Variants in FAM222B observed in about 807,000 individuals in gnomAD.
FAM222B encodes family with sequence similarity 222 member B, also known as protein FAM222B.
In FAM222B, 12 loss-of-function variants were observed where a neutral mutation model predicts 38.0. The observed-to-expected ratio is 0.32, with a 90% CI of 0.20 to 0.51. The LOEUF (loss-of-function observed/expected upper bound fraction) is 0.51, where lower values mean the gene tolerates loss of function less well. FAM222B is among the 20% of genes least tolerant of loss of function. The pLI is 0.97. For synonymous variants in FAM222B, 329 were observed against 317.2 expected (o/e 1.04, Z -0.40); for missense variants, 716 against 754.2 (o/e 0.95, Z 0.59).
intron 2 of FAM222B, 30 bp downstream of exon 2, chr17:28,766,556 C>G: frequency 6.4e-7 from 1 of 1,555,934 alleles, no homozygotes; most frequent in South Asian, 1.2e-5. Flanking sequence ...CAAAGAATCA[C>G]ACATGCTCCA....
At chr17:28,839,289 A>C (rs188818401) in intron 1 of FAM222B, among the ~76,000 whole-genome samples, 23 of 152,294 alleles carry the variant, frequency 1.5e-4, no homozygotes, top group Admixed American at 1.4e-3. Flanking sequence ...GGAAGTCCTT[A>C]AATCTCCAAA....
chr17:28,840,766 G>A (rs1444737819), intron 1 of FAM222B, among the ~76,000 whole-genome samples: 1 of 151,948 alleles, frequency 6.6e-6, no homozygotes, highest in Non-Finnish European at 1.5e-5. Context: ...AGACCAGCCT[G>A]TCCAGCAATG....
intron 1 of FAM222B, among the ~76,000 whole-genome samples, chr17:28,799,805 C>G (rs1048868152): frequency 1.3e-5 from 2 of 152,124 alleles, no homozygotes; most frequent in African/African-American, 2.4e-5. Flanking sequence ...AACAAGATCT[C>G]GGCTGTTGCC....
At chr17:28,823,546 C>G (rs1174078868) in intron 1 of FAM222B, among the ~76,000 whole-genome samples, 1 of 152,088 alleles carries the variant, frequency 6.6e-6, no homozygotes, top group Non-Finnish European at 1.5e-5. Context: ...CCACAAACAG[C>G]TAATTTTCTA....
At chr17:28,822,691 C>T (rs1225977036) in intron 1 of FAM222B, among the ~76,000 whole-genome samples, 3 of 148,038 alleles carry the variant, frequency 2.0e-5, no homozygotes, top group Non-Finnish European at 4.5e-5. Context: ...ATCCCAGCCA[C>T]CTGGGAGACT....
At position 28,781,329 on chromosome 17, in the gene FAM222B, T is replaced by C. The variant is rs540057562; in HGVS notation, c.-40-14622A>G. ...ACAAAAAACCAAAAACAAACAAAAA[T>C]ACCCCACATCAACTCACACCTGTCA... On this transcript the variant is annotated intron_variant, in intron 1 of 2. Transcript: ENST00000581407. 1.6e-3 allele frequency among the ~76,000 whole-genome samples: 239 copies of C among 151,722 alleles called. 1 individual carries two copies. Among genetic ancestry groups the C allele is most frequent in the African/African-American group, 5.6e-3 (232 of 41,380 alleles).
chr17:28,843,534 G>T (rs1181950138), upstream of FAM222B, among the ~76,000 whole-genome samples: 1 of 134,948 alleles, frequency 7.4e-6, no homozygotes, highest in Non-Finnish European at 1.5e-5. Context: ...TGCAACCTCC[G>T]CCTCCCGGGT....
intron 2 of FAM222B, among the ~76,000 whole-genome samples, chr17:28,765,822 A>C (rs1026775494): frequency 6.6e-6 from 1 of 152,226 alleles, no homozygotes; most frequent in African/African-American, 2.4e-5. Flanking sequence ...CTAGCTCTCC[A>C]TCTCTTCTGA....
chr17:28,779,700 G>A (rs1302005396), intron 1 of FAM222B, among the ~76,000 whole-genome samples: 1 of 151,730 alleles, frequency 6.6e-6, no homozygotes, highest in Non-Finnish European at 1.5e-5. Context: ...GCAGTGAGTC[G>A]AGATTGCGCC....
chr17:28,820,743 C>A lies in FAM222B; in HGVS notation c.-41+21939G>T, dbSNP rs150215468. Among the ~76,000 whole-genome samples, 7 of 151,964 alleles carry A rather than the reference C, an allele frequency of 4.6e-5. No homozygotes were observed. In the East Asian group the frequency reaches 1.2e-3, roughly 25 times the overall value. Reference sequence around the variant, plus strand: ...CTGCCTCCTGGGTTCAAGCAATTCTCGTGCCTTGGCCTCCCGAGTAGCGGG... The same window carrying A: ...CTGCCTCCTGGGTTCAAGCAATTCTAGTGCCTTGGCCTCCCGAGTAGCGGG... On this transcript the variant is annotated intron_variant, in intron 1 of 2. Coordinates refer to ENST00000581407, the MANE Select transcript of FAM222B (RefSeq NM_001077498.3).
intron 1 of FAM222B, among the ~76,000 whole-genome samples, chr17:28,812,651 G>A (rs889431969): frequency 1.3e-5 from 2 of 152,068 alleles, no homozygotes; most frequent in African/African-American, 2.4e-5. Flanking sequence ...CTCTTTGTTA[G>A]CGCTGCCCCC....
chr17:28,815,780 T>C (rs1363407215), intron 1 of FAM222B, among the ~76,000 whole-genome samples: 1 of 151,960 alleles, frequency 6.6e-6, no homozygotes, highest in Non-Finnish European at 1.5e-5. Flanking sequence ...CTGGCCAATA[T>C]GGTAAAACCC....
intron 1 of FAM222B, among the ~76,000 whole-genome samples, chr17:28,823,796 C>T (rs1251487532): frequency 6.6e-6 from 1 of 152,012 alleles, no homozygotes; most frequent in Non-Finnish European, 1.5e-5. Context: ...GAATGCCAGG[C>T]ATTTCTATCC....
Position 28,792,037 on chromosome 17 carries a change from C to T in FAM222B, c.-40-25330G>A, listed in dbSNP as rs1444894123. Reference sequence around the variant, plus strand: ...AAAAATTAGCCAGGTGTAGGCCAGGCGCAGTGGCTCACGCCTGTAATCCCA... The same window carrying T: ...AAAAATTAGCCAGGTGTAGGCCAGGTGCAGTGGCTCACGCCTGTAATCCCA... On this transcript the variant is annotated intron_variant, in intron 1 of 2. Coordinates refer to ENST00000581407, the MANE Select transcript of FAM222B (RefSeq NM_001077498.3). Among the ~76,000 whole-genome samples the T allele has an allele frequency of 4.6e-5, 7 of 150,700 alleles. No homozygotes were observed. In the East Asian group the frequency reaches 1.4e-3, roughly 30 times the overall value.
intron 1 of FAM222B, among the ~76,000 whole-genome samples, chr17:28,833,423 C>G (rs555907240): frequency 6.6e-6 from 1 of 151,238 alleles, no homozygotes; most frequent in South Asian, 2.1e-4. Context: ...TCGAGACTAC[C>G]CTGGCCAACA....
At chr17:28,835,063 TGTG>T (rs1567902924) in intron 1 of FAM222B, among the ~76,000 whole-genome samples, 10 of 132,132 alleles carry the variant, frequency 7.6e-5, no homozygotes, top group African/African-American at 2.8e-4. Context: ...TGTGTGTGTG[TGTG>T]ATGGAGTCAC....
chr17:28,758,877 T>A lies in FAM222B; in HGVS notation c.1082A>T (p.Lys361Met). 6.2e-7 allele frequency: 1 copy of A among 1,607,812 alleles called. No homozygotes were observed. The highest frequency in any genetic ancestry group is 8.5e-7 in the Non-Finnish European group (1 of 1,177,808). The change falls in exon 3 of 3, where the codon AAG (lysine) becomes ATG (methionine). Residue 361 changes from lysine (K) to methionine (M), a missense_variant. By Grantham distance (95) the Lys-to-Met change is moderately conservative. Coordinates refer to ENST00000581407, the MANE Select transcript of FAM222B (RefSeq NM_001077498.3). ...CTGGTGCTGGTTCCAGGTGACTGGC[T>A]TGAGGTCGCTAGGGTAGCCAGTGGG... ...RVPTGYPSDL[K>M]PVTWNQHQLA...
At chr17:28,828,863 A>C (rs1047559245) in intron 1 of FAM222B, among the ~76,000 whole-genome samples, 28 of 151,926 alleles carry the variant, frequency 1.8e-4, no homozygotes, top group African/African-American at 3.6e-4. Context: ...TGTCACCCCC[A>C]AAAAATTTCC....
At chr17:28,813,129 A>C (rs9909979) in intron 1 of FAM222B, among the ~76,000 whole-genome samples, 18,862 of 108,004 alleles carry the variant, frequency 0.17, 1,319 homozygotes, top group South Asian at 0.26. Flanking sequence ...ATCAGACACA[A>C]AAAAAAAAAA....
Sources: allele counts gnomAD v4.1 joint callset (sites outside exome capture counted in the v4.1 genomes callset), GRCh38; gene constraint gnomAD v4.1.1; transcripts MANE v1.5; gene names NCBI Gene and HGNC (gene_info 2026-07-23, HGNC 2026-07-21).